The following PP2D1 variants were observed in gnomAD, a reference collection of about 807,000 sequenced individuals.
PP2D1 encodes the protein protein phosphatase 2C-like domain-containing protein 1.
Under a neutral mutation model 30.2 loss-of-function variants are expected in PP2D1, and 25 were observed. That is an observed-to-expected ratio of 0.83 (90% confidence interval 0.60 to 1.16). The LOEUF (loss-of-function observed/expected upper bound fraction) is 1.16. PP2D1 is among the 50% of genes most tolerant of loss of function. The pLI is 0.00. For missense variants in PP2D1, 760 were observed against 742.4 expected (o/e 1.02, Z -0.28); for synonymous variants, 260 against 258.9 (o/e 1.00, Z -0.04).
intron 1 of PP2D1, among the ~76,000 whole-genome samples, chr3:20,007,012 C>T (rs1575089428): frequency 7.8e-6 from 1 of 128,968 alleles, no homozygotes. Flanking sequence ...CACGTATACA[C>T]ACACACACAC....
At chr3:19,999,559 T>G (rs1042140551) in intron 2 of PP2D1, among the ~76,000 whole-genome samples, 6 of 151,002 alleles carry the variant, frequency 4.0e-5, no homozygotes, top group Admixed American at 1.3e-4. Flanking sequence ...TTTTTTTTTT[T>G]TGTATTTTTA....
intron 2 of PP2D1, among the ~76,000 whole-genome samples, chr3:19,987,041 A>G (rs1697048168): frequency 6.6e-6 from 1 of 151,602 alleles, no homozygotes; most frequent in Admixed American, 6.6e-5. Context: ...CTGCCTCAAA[A>G]AAAAAAAAAA....
At chr3:20,011,337 T>C (rs1198069513) in intron 1 of PP2D1, among the ~76,000 whole-genome samples, 1 of 152,224 alleles carries the variant, frequency 6.6e-6, no homozygotes, top group Non-Finnish European at 1.5e-5. Context: ...TGATGGACTA[T>C]TGGGACAATA....
intron 1 of PP2D1, among the ~76,000 whole-genome samples, chr3:20,009,214 C>A (rs1015246986): frequency 7.9e-5 from 12 of 152,122 alleles, no homozygotes; most frequent in Admixed American, 7.2e-4. Context: ...GTAGTCTCAA[C>A]ACTTTGGGAG....
intron 1 of PP2D1, chr3:20,008,299 G>A (rs1277465508): frequency 1.3e-5 from 2 of 153,420 alleles, no homozygotes; most frequent in Non-Finnish European, 1.5e-5. Context: ...AGTTGGTCGC[G>A]GTGGCTCACG....
intron 2 of PP2D1, among the ~76,000 whole-genome samples, chr3:19,987,969 GTACTC>G (rs1697062843): frequency 6.6e-6 from 1 of 152,174 alleles, no homozygotes; most frequent in African/African-American, 2.4e-5. Context: ...TCCCCAGTCA[GTACTC>G]ATAATTTCTT....
At position 19,985,655 on chromosome 3, in the gene PP2D1, A is replaced by G; in HGVS notation, c.1618T>C (p.Ser540Pro). ...SKENLSDSNY[S>P]KYCIYNPENV... is the part of the protein sequence containing the mutation. ...TCAGGGTTATAAATACAGTATTTAGAATAGTTTGAATCGGATAAATTTTCT... is the reference window on the plus strand; with the variant it reads ...TCAGGGTTATAAATACAGTATTTAGGATAGTTTGAATCGGATAAATTTTCT... Residue 540 changes from serine to proline, a missense_variant, in exon 3 of 3, where the codon TCT (serine) becomes CCT (proline). Physicochemically the swap from Ser to Pro is moderately conservative, Grantham distance 74. This residue lies in a region of PP2D1 where 369 missense variants were observed against 316.2 expected (regional missense o/e 1.17). Transcript: ENST00000389050. The G allele has an allele frequency of 2.0e-6, 3 of 1,535,912 alleles. No individual in the cohort carries two copies. Among genetic ancestry groups the G allele is most frequent in the Non-Finnish European group, 2.6e-6 (3 of 1,146,702 alleles).
In PP2D1 at chr3:19,985,607, C is replaced by A. The variant is rs534483782; in HGVS notation, c.1666G>T (p.Glu556Ter). 6.5e-7 allele frequency: 1 copy of A among 1,535,716 alleles called. No individual in the cohort carries two copies. Among genetic ancestry groups the A allele is most frequent in the Non-Finnish European group, 8.7e-7 (1 of 1,146,584 alleles). ...CTGCAAGGTTTACGATGAGTCGTTT[C>A]TGCTGGAAATGTTTCTACATTCTCA... ...NPENVETFPA[E>*]TTHRKPCSEK... Residue 556 changes from glutamate to a stop codon, truncating the protein, a stop_gained, in exon 3 of 3, where the codon GAA becomes TAA. Transcript: ENST00000389050. LOFTEE classifies it low-confidence loss of function (END_TRUNC).
rs1167365188 is a variant in PP2D1 at position 20,002,115 on chromosome 3, A to T, written c.24-19T>A. ...AAACACTCTGCAAACAGGATGAAAG[A>T]TATTTACATGCCAGGATGATGCAGC... On this transcript the variant is annotated intron_variant, in intron 1 of 2. Transcript: ENST00000389050. The T allele has an allele frequency of 4.1e-6, 6 of 1,472,556 alleles. No homozygotes were observed. The highest frequency in any genetic ancestry group is 1.4e-5 in the African/African-American group (1 of 71,658). The allele number at this position is 1,472,556 out of a possible 1,614,324, so 91.2% of individuals were successfully genotyped here.
At chr3:20,005,196 A>G (rs1489092690) in intron 1 of PP2D1, among the ~76,000 whole-genome samples, 1 of 151,686 alleles carries the variant, frequency 6.6e-6, no homozygotes, top group African/African-American at 2.4e-5. Context: ...CTTGTTGCCC[A>G]GCCTGGAGTA....
chr3:20,007,354 TG>T (rs772016063), intron 1 of PP2D1, among the ~76,000 whole-genome samples: 16 of 152,188 alleles, frequency 1.1e-4, no homozygotes, highest in Admixed American at 2.6e-4. Flanking sequence ...AATTCACAGA[TG>T]CAGAACCTTC....
At chr3:19,986,245 C>T (rs539812330) in intron 2 of PP2D1, 63 bp from the exon 3 acceptor site, 2 of 1,178,314 alleles carry the variant, frequency 1.7e-6, no homozygotes, top group Non-Finnish European at 2.3e-6. Flanking sequence ...GTATCAAAAT[C>T]TACTGCTAAC....
intron 2 of PP2D1, among the ~76,000 whole-genome samples, chr3:19,997,925 G>A (rs1470433735): frequency 6.6e-6 from 1 of 152,148 alleles, no homozygotes; most frequent in Non-Finnish European, 1.5e-5. Flanking sequence ...TCCAGGCACA[G>A]TGGCTCACCC....
chr3:20,001,990 T>C lies in PP2D1; in HGVS notation c.130A>G (p.Arg44Gly), dbSNP rs1430920061. 6.5e-7 allele frequency: 1 copy of C among 1,536,222 alleles called. No individual in the cohort carries two copies. The highest frequency in any genetic ancestry group is 8.7e-7 in the Non-Finnish European group (1 of 1,146,868). ...KRKRFRKKKSRPVRHTKRHEE... is the reference protein window; with the variant it reads ...KRKRFRKKKSGPVRHTKRHEE... ...TGGCGTTTGGTGTGTCTCACTGGTC[T>C]TGACTTTTTCTTTCTAAAACGTTTT... The change falls in exon 2 of 3, where the codon AGA becomes GGA. Residue 44 changes from arginine to glycine, a missense_variant. This residue lies in a region of PP2D1 where 374 missense variants were observed against 388.8 expected (regional missense o/e 0.96). Transcript: ENST00000389050.
intron 1 of PP2D1, among the ~76,000 whole-genome samples, chr3:20,008,511 G>A (rs1697349345): frequency 6.6e-6 from 1 of 152,032 alleles, no homozygotes; most frequent in South Asian, 2.1e-4. Flanking sequence ...AGGTTGCAGG[G>A]AGCCGAGATC....
At chr3:19,994,798 A>G (rs556507847) in intron 2 of PP2D1, among the ~76,000 whole-genome samples, 5 of 152,304 alleles carry the variant, frequency 3.3e-5, no homozygotes, top group African/African-American at 9.6e-5. Flanking sequence ...TATTCCAGAT[A>G]TCTTTCGAGG....
Position 20,007,067 on chromosome 3 carries a change from T to A in PP2D1, c.24-4971A>T, listed in dbSNP as rs148876565. Among the ~76,000 whole-genome samples the A allele has an allele frequency of 3.5e-3, 528 of 151,806 alleles. 3 individuals are homozygous for A. The highest frequency in any genetic ancestry group is 0.012 in the African/African-American group (498 of 41,360). ...TTGTATTTTTAGTAGAGATGAGTTT[T>A]CACCATGTTGGCCCAGGCTCGTCTT... On this transcript the variant is annotated intron_variant, in intron 1 of 2. Coordinates refer to ENST00000389050, the MANE Select transcript of PP2D1 (RefSeq NM_001252657.2).
intron 2 of PP2D1, among the ~76,000 whole-genome samples, chr3:20,000,385 C>T (rs894529915): frequency 2.0e-5 from 3 of 152,154 alleles, no homozygotes; most frequent in African/African-American, 7.2e-5. Flanking sequence ...TTAAGTATCT[C>T]ATGGAACTCA....
At chr3:19,998,271 A>T (rs147690599) in intron 2 of PP2D1, among the ~76,000 whole-genome samples, 4,022 of 152,170 alleles carry the variant, frequency 0.026, 171 homozygotes, top group African/African-American at 0.091. Context: ...CGGAGATTGC[A>T]GTGAGCCAAG....
Sources: gnomAD v4.1 joint callset for allele counts (sites outside exome capture counted in the v4.1 genomes callset) on GRCh38, gnomAD v4.1.1 for gene constraint, gnomAD v4.1.1 regional missense constraint, MANE v1.5 for transcripts, NCBI Gene and HGNC (gene_info 2026-07-23, HGNC 2026-07-21) for gene names.